Variants in RIMS1 observed in about 807,000 individuals in gnomAD.
RIMS1 encodes the protein regulating synaptic membrane exocytosis 1, also known as regulating synaptic membrane exocytosis protein 1.
RIMS1 carries 83 observed loss-of-function variants against 214.1 expected under a neutral mutation model. The observed-to-expected ratio is 0.39, with a 90% CI of 0.32 to 0.47. RIMS1 has a LOEUF of 0.47. Among genes scored for constraint, RIMS1 ranks in the 20% least tolerant of loss-of-function variants. The pLI is 0.99. For missense variants in RIMS1, 2,050 were observed against 2,161.8 expected, an observed-to-expected ratio of 0.95 and a Z score of 1.03; for synonymous variants, 793 against 786.8, an observed-to-expected ratio of 1.01 and a Z score of -0.13.
At chr6:72,337,823 G>C (rs984010022) in intron 29 of RIMS1, among the ~76,000 whole-genome samples, 8 of 143,484 alleles carry the variant, frequency 5.6e-5, no homozygotes, top group Non-Finnish European at 1.0e-4. Context: ...TCCCACCTAT[G>C]AGTGAGAACA....
intron 4 of RIMS1, among the ~76,000 whole-genome samples, chr6:72,168,316 AT>A (rs2046549189): frequency 6.6e-6 from 1 of 152,230 alleles, no homozygotes; most frequent in African/African-American, 2.4e-5. Context: ...GTGAAAGTTT[AT>A]TTAAAAGCTT....
At chr6:72,146,585 A>T (rs574316770) in intron 4 of RIMS1, among the ~76,000 whole-genome samples, 7 of 152,344 alleles carry the variant, frequency 4.6e-5, no homozygotes, top group African/African-American at 1.7e-4. Flanking sequence ...AATTTACCAA[A>T]TTGAAAAACC....
chr6:72,063,728 G>C (rs1393937977), intron 2 of RIMS1, among the ~76,000 whole-genome samples: 2 of 152,166 alleles, frequency 1.3e-5, no homozygotes, highest in African/African-American at 4.8e-5. Flanking sequence ...TAATGATGTG[G>C]CCACTGCATG....
At chr6:72,018,322 C>G (rs894859427) in intron 2 of RIMS1, among the ~76,000 whole-genome samples, 5 of 151,958 alleles carry the variant, frequency 3.3e-5, no homozygotes, top group African/African-American at 1.2e-4. Flanking sequence ...TTTTTTTGGT[C>G]TCAACAAACA....
At position 72,266,341 on chromosome 6, in the gene RIMS1, A is replaced by G. The variant is rs190747158; in HGVS notation, c.3398+292A>G. 325 of 439,468 alleles carry G rather than the reference A, an allele frequency of 7.4e-4. 3 individuals carry two copies. The East Asian group carries it at 0.012, about 16-fold the overall frequency. 27.2% of individuals were successfully genotyped at this position (439,468 alleles called of 1,614,324 possible). A position where few individuals can be genotyped will look rare whatever the true frequency, so the allele number is the denominator to read the frequency against. ...CCTTTTGTTGCTGTTCAGTCATTTT[A>G]TTGACTATTCAGGAAACCTTCAGTA... On this transcript the variant is annotated intron_variant, in intron 22 of 33. Coordinates refer to ENST00000521978, the MANE Select transcript of RIMS1 (RefSeq NM_014989.7).
At chr6:72,254,326 C>G (rs1467010452) in intron 16 of RIMS1, among the ~76,000 whole-genome samples, 1 of 152,086 alleles carries the variant, frequency 6.6e-6, no homozygotes, top group South Asian at 2.1e-4. Flanking sequence ...CTTTTGCTCT[C>G]TGTTTTTATT....
chr6:72,053,147 C>A (rs1227738408), intron 2 of RIMS1, among the ~76,000 whole-genome samples: 5 of 152,150 alleles, frequency 3.3e-5, no homozygotes, highest in Non-Finnish European at 7.4e-5. Flanking sequence ...ATAGGTCTGA[C>A]TCCTCTCTCT....
intron 26 of RIMS1, among the ~76,000 whole-genome samples, chr6:72,299,120 G>A (rs770277335): frequency 6.6e-6 from 1 of 151,798 alleles, no homozygotes; most frequent in Non-Finnish European, 1.5e-5. Flanking sequence ...TAGTTTGGGG[G>A]CATCGAAATA....
At chr6:72,261,987 T>C (rs1370644339) in intron 19 of RIMS1, 11 of 984,598 alleles carry the variant, frequency 1.1e-5, no homozygotes, top group Non-Finnish European at 1.3e-5. Context: ...TAATGGTTTA[T>C]TTACTAATTC....
rs1448367268 is a variant in RIMS1, at chr6:72,290,874, T to C, written c.3737+13T>C. The C allele has an allele frequency of 6.2e-7, 1 of 1,610,748 alleles. No individual in the cohort carries two copies. The highest frequency in any genetic ancestry group is 2.2e-5 in the East Asian group (1 of 44,834). ...CGCTTCTGACAAGGTCGCTATTCAG[T>C]GTCCCCCTCAGCATTCATGTCCTGC... On this transcript the variant is annotated intron_variant, in intron 25 of 33. Coordinates refer to ENST00000521978, the MANE Select transcript of RIMS1 (RefSeq NM_014989.7).
chr6:71,894,280 A>G (rs1439735383), intron 1 of RIMS1, among the ~76,000 whole-genome samples: 1 of 152,168 alleles, frequency 6.6e-6, no homozygotes, highest in African/African-American at 2.4e-5. Flanking sequence ...CCCCGTCTCT[A>G]CTAAAAATAC....
In RIMS1 at chr6:72,284,984, G is replaced by A. The variant is rs148820175; in HGVS notation, c.3554+866G>A. 4.1e-3 allele frequency among the ~76,000 whole-genome samples: 626 copies of A among 152,276 alleles called. 2 individuals are homozygous for A. The highest frequency in any genetic ancestry group is 7.9e-3 in the Admixed American group (121 of 15,288). On this transcript the variant is annotated intron_variant, in intron 24 of 33. Coordinates refer to ENST00000521978, the MANE Select transcript of RIMS1 (RefSeq NM_014989.7). ...GTGGAGTATTCTGAGAGGGGACAACGTGAGAAAACACTGAGATTGGAAATA... is the reference window on the plus strand; with the variant it reads ...GTGGAGTATTCTGAGAGGGGACAACATGAGAAAACACTGAGATTGGAAATA...
intron 11 of RIMS1, among the ~76,000 whole-genome samples, chr6:72,246,956 G>A (rs1590372765): frequency 6.6e-6 from 1 of 152,194 alleles, no homozygotes; most frequent in Middle Eastern, 3.4e-3. Context: ...GGGCACAAAA[G>A]GATGACATGA....
chr6:72,111,623 T>C lies in RIMS1; in HGVS notation c.471+11637T>C, dbSNP rs114026597. Among the ~76,000 whole-genome samples, 1,112 of 152,318 alleles carry C rather than the reference T, an allele frequency of 7.3e-3. 15 individuals are homozygous for C. The highest frequency in any genetic ancestry group is 0.026 in the African/African-American group (1,077 of 41,584). ...TTTTGGACTTTTATATTGATCTTCT[T>C]CTAAATTTTAGTTTTAGATAAAGAG... On this transcript the variant is annotated intron_variant, in intron 4 of 33. Transcript: ENST00000521978.
chr6:72,171,609 CT>C (rs1452807901), intron 4 of RIMS1, among the ~76,000 whole-genome samples: 1 of 152,128 alleles, frequency 6.6e-6, no homozygotes, highest in African/African-American at 2.4e-5. Context: ...TTATTACCCC[CT>C]GTCTATAGAT....
intron 26 of RIMS1, among the ~76,000 whole-genome samples, chr6:72,297,385 A>T (rs928263005): frequency 6.6e-6 from 1 of 151,974 alleles, no homozygotes; most frequent in East Asian, 1.9e-4. Flanking sequence ...ATGGGCCATG[A>T]TCTAATTCCT....
intron 4 of RIMS1, among the ~76,000 whole-genome samples, chr6:72,112,186 G>C (rs1333248912): frequency 1.3e-5 from 2 of 151,964 alleles, no homozygotes; most frequent in Non-Finnish European, 2.9e-5. Context: ...TCAGGAATTT[G>C]GCTCTGTCTT....
At chr6:72,104,977 C>T (rs1459726940) in intron 4 of RIMS1, among the ~76,000 whole-genome samples, 1 of 152,140 alleles carries the variant, frequency 6.6e-6, no homozygotes, top group African/African-American at 2.4e-5. Flanking sequence ...ATCACACAGA[C>T]TGGAGTGCAG....
intron 4 of RIMS1, among the ~76,000 whole-genome samples, chr6:72,158,474 A>C (rs2044758778): frequency 7.2e-6 from 1 of 138,904 alleles, no homozygotes; most frequent in Non-Finnish European, 1.6e-5. Context: ...TTTGTTACAT[A>C]TGTATACATG....
Sources: allele counts gnomAD v4.1 joint callset (sites outside exome capture counted in the v4.1 genomes callset), GRCh38; gene constraint gnomAD v4.1.1; transcripts MANE v1.5; gene names NCBI Gene and HGNC (gene_info 2026-07-23, HGNC 2026-07-21).